Variants in ENPP3 observed in about 807,000 individuals in gnomAD.
The protein encoded by ENPP3 is ectonucleotide pyrophosphatase/phosphodiesterase family member 3.
Under a neutral mutation model 117.8 loss-of-function variants are expected in ENPP3, and 104 were observed. The observed-to-expected ratio is 0.88, with a 90% confidence interval of 0.75 to 1.04. The LOEUF (loss-of-function observed/expected upper bound fraction) is 1.04, where lower values mean the gene tolerates loss of function less well. Ranked by LOEUF, ENPP3 falls within the 50% of genes least tolerant of loss-of-function variation. The pLI, the probability that ENPP3 is intolerant of heterozygous loss-of-function variation, is 0.00. For synonymous variants in ENPP3, 380 were observed against 349.9 expected, an observed-to-expected ratio of 1.09 and a Z score of -0.96; for missense variants, 1,026 against 1,051.9, an observed-to-expected ratio of 0.98 and a Z score of 0.34.
chr6:131,680,206 C>T (rs1778994871), intron 11 of ENPP3, among the ~76,000 whole-genome samples: 1 of 152,172 alleles, frequency 6.6e-6, no homozygotes, highest in South Asian at 2.1e-4. Flanking sequence ...TAGAGGCAAA[C>T]ATTGTGGATG....
intron 11 of ENPP3, among the ~76,000 whole-genome samples, chr6:131,681,391 C>G (rs1340672578): frequency 6.6e-6 from 1 of 151,950 alleles, no homozygotes; most frequent in Non-Finnish European, 1.5e-5. Context: ...CTCTATCAGG[C>G]TTGTAAAATT....
intron 15 of ENPP3, among the ~76,000 whole-genome samples, chr6:131,717,174 T>A (rs1445646984): frequency 1.3e-5 from 2 of 152,052 alleles, no homozygotes; most frequent in African/African-American, 4.8e-5. Context: ...GTTGAGTGAG[T>A]GTGGCCTGGT....
At chr6:131,693,036 G>A (rs976443164) in intron 14 of ENPP3, among the ~76,000 whole-genome samples, 15 of 140,582 alleles carry the variant, frequency 1.1e-4, no homozygotes, top group African/African-American at 3.9e-4. Context: ...ATGATATATA[G>A]TTATATATAA....
intron 21 of ENPP3, among the ~76,000 whole-genome samples, chr6:131,735,606 AT>A (rs1218628871): frequency 2.0e-5 from 3 of 152,226 alleles, no homozygotes; most frequent in African/African-American, 4.8e-5. Flanking sequence ...ATTAAAAAAA[AT>A]AATTAGTTAA....
chr6:131,651,071 T>C (rs538980937), intron 3 of ENPP3, among the ~76,000 whole-genome samples: 12 of 152,130 alleles, frequency 7.9e-5, no homozygotes, highest in African/African-American at 2.9e-4. Flanking sequence ...AGGAGTGCAC[T>C]ACCAAGCCTG....
chr6:131,730,690 G>A (rs1780257911), intron 20 of ENPP3, among the ~76,000 whole-genome samples: 1 of 152,130 alleles, frequency 6.6e-6, no homozygotes, highest in African/African-American at 2.4e-5. Context: ...CTGAGTGGAT[G>A]GATCACCTGA....
chr6:131,649,892 A>G lies in ENPP3; in HGVS notation c.155-135A>G, dbSNP rs578076049. 5.6e-6 allele frequency: 5 copies of G among 895,078 alleles called. No homozygotes were observed. In the East Asian group the frequency reaches 1.0e-4, roughly 18 times the overall value. The allele number at this position is 895,078 out of a possible 1,614,324, so 55.4% of individuals were successfully genotyped here. A position where few individuals can be genotyped will look rare whatever the true frequency, so the allele number is the denominator to read the frequency against. On this transcript the variant is annotated intron_variant, in intron 2 of 24. Coordinates refer to ENST00000357639, the MANE Select transcript of ENPP3 (RefSeq NM_005021.5). ...ATTATTTATTACATTGTATTGGCAG[A>G]TCCTGCAGCACCATAAAAATCATCT...
chr6:131,638,336 A>T (rs1351504092), intron 1 of ENPP3: 1 of 236,234 alleles, frequency 4.2e-6, no homozygotes, highest in Non-Finnish European at 8.6e-6. Context: ...CCAACAATTT[A>T]TCTTTATTCT....
chr6:131,683,197 G>T lies in ENPP3; in HGVS notation c.1120+35G>T, dbSNP rs765685557. The stretch of plus-strand genomic sequence containing the variant: ...TAAAAAACATTCTTATTTTATCATT[G>T]ACTATAATTTATCACTTCAGAAATC... On this transcript the variant is annotated intron_variant, in intron 12 of 24. Transcript: ENST00000357639. 1.1e-5 allele frequency: 12 copies of T among 1,125,370 alleles called. No individual in the cohort carries two copies. The South Asian group carries it at 1.5e-4, about 14-fold the overall frequency. 69.7% of individuals were successfully genotyped at this position (1,125,370 alleles called of 1,614,324 possible). A position where few individuals can be genotyped will look rare whatever the true frequency, so the allele number is the denominator to read the frequency against.
In ENPP3 at chr6:131,653,688, A is replaced by G. The variant is rs542580821; in HGVS notation, c.464+797A>G. On this transcript the variant is annotated intron_variant, in intron 5 of 24. Coordinates refer to ENST00000357639, the MANE Select transcript of ENPP3 (RefSeq NM_005021.5). ...GGGCCTCCCAAAGTGTTGGGATTAC[A>G]GCTGTGAGCCACCATGTCTGGCCAG... Among the ~76,000 whole-genome samples, 292 of 152,234 alleles carry G rather than the reference A, an allele frequency of 1.9e-3. 1 individual carries two copies. The highest frequency in any genetic ancestry group is 3.5e-3 in the Admixed American group (54 of 15,292).
intron 24 of ENPP3, among the ~76,000 whole-genome samples, chr6:131,745,873 C>T (rs923942015): frequency 5.3e-5 from 8 of 152,128 alleles, no homozygotes; most frequent in Admixed American, 6.5e-5. Context: ...AATCCCAGCA[C>T]TTTGGGAGGC....
chr6:131,724,214 A>G (rs1780098558), intron 19 of ENPP3, 123 bp downstream of exon 19: 1 of 626,630 alleles, frequency 1.6e-6, no homozygotes, highest in Non-Finnish European at 2.7e-6. Flanking sequence ...TTTATTGCCA[A>G]TATACAAAAG....
At chr6:131,638,983 A>T (rs1209366843) in intron 1 of ENPP3, among the ~76,000 whole-genome samples, 3 of 150,948 alleles carry the variant, frequency 2.0e-5, no homozygotes, top group African/African-American at 7.3e-5. Context: ...CTGCTTCCTG[A>T]CTCCTGACTC....
At chr6:131,745,887 G>C (rs2114591998) in intron 24 of ENPP3, among the ~76,000 whole-genome samples, 1 of 152,262 alleles carries the variant, frequency 6.6e-6, no homozygotes, top group South Asian at 2.1e-4. Flanking sequence ...GGGAGGCCAA[G>C]GTGGGTGGAT....
chr6:131,683,555 T>A (rs1183594904), intron 12 of ENPP3, among the ~76,000 whole-genome samples: 2 of 152,278 alleles, frequency 1.3e-5, no homozygotes, highest in African/African-American at 4.8e-5. Flanking sequence ...TTTTTAGTTA[T>A]GTAAATAGAT....
At chr6:131,735,087 A>G (rs1297092274) in intron 21 of ENPP3, among the ~76,000 whole-genome samples, 1 of 151,546 alleles carries the variant, frequency 6.6e-6, no homozygotes, top group Non-Finnish European at 1.5e-5. Flanking sequence ...GCTCATGGTC[A>G]TAATCCCAGC....
intron 14 of ENPP3, among the ~76,000 whole-genome samples, chr6:131,689,055 G>A (rs1325816611): frequency 6.6e-6 from 1 of 152,102 alleles, no homozygotes; most frequent in Non-Finnish European, 1.5e-5. Flanking sequence ...AACAGAGTGA[G>A]ACTCTATTTA....
intron 5 of ENPP3, among the ~76,000 whole-genome samples, chr6:131,654,674 C>T (rs932459483): frequency 6.6e-6 from 1 of 151,952 alleles, no homozygotes; most frequent in Non-Finnish European, 1.5e-5. Context: ...AACTTCTGGG[C>T]TCAAGTGATC....
At chr6:131,658,806 C>G (rs1778440278) in intron 6 of ENPP3, among the ~76,000 whole-genome samples, 1 of 152,176 alleles carries the variant, frequency 6.6e-6, no homozygotes, top group East Asian at 1.9e-4. Flanking sequence ...TTAGACAGAT[C>G]CAGCACCTCC....
Sources: allele counts gnomAD v4.1 joint callset (sites outside exome capture counted in the v4.1 genomes callset), GRCh38; gene constraint gnomAD v4.1.1; transcripts MANE v1.5; gene names NCBI Gene and HGNC (gene_info 2026-07-23, HGNC 2026-07-21).